TTC39A: variants seen among roughly 807,000 people sequenced by gnomAD.
The protein encoded by TTC39A is tetratricopeptide repeat domain 39A.
In TTC39A, 46 loss-of-function variants were observed where a neutral mutation model predicts 82.3. The ratio of observed to expected loss-of-function variants is 0.56; its 90% confidence interval spans 0.44 to 0.71. TTC39A has a LOEUF of 0.71. Ranked by LOEUF, TTC39A falls within the 30% of genes least tolerant of loss-of-function variation. The pLI, the probability that TTC39A is intolerant of heterozygous loss-of-function variation, is 0.00. For synonymous variants in TTC39A, 254 were observed against 275.2 expected (o/e 0.92, Z 0.76); for missense variants, 543 against 712.9 (o/e 0.76, Z 2.71).
intron 1 of TTC39A, chr1:51,344,951 C>G (rs931843054): frequency 6.6e-7 from 1 of 1,525,524 alleles, no homozygotes; most frequent in Admixed American, 2.0e-5. Context: ...CCCTTGGTCC[C>G]GTCCGCGCCT....
intron 1 of TTC39A, among the ~76,000 whole-genome samples, chr1:51,326,907 G>C (rs1430472117): frequency 6.6e-6 from 1 of 152,224 alleles, no homozygotes; most frequent in Non-Finnish European, 1.5e-5. Context: ...GCGGAGAAGA[G>C]GTGCTGGGCT....
chr1:51,343,699 G>C (rs1646063755), intron 1 of TTC39A, among the ~76,000 whole-genome samples: 1 of 152,228 alleles, frequency 6.6e-6, no homozygotes, highest in South Asian at 2.1e-4. Flanking sequence ...CAGCACACAA[G>C]TGCTCAACAA....
At chr1:51,303,706 C>T (rs1218617206) in intron 8 of TTC39A, among the ~76,000 whole-genome samples, 1 of 152,186 alleles carries the variant, frequency 6.6e-6, no homozygotes, top group Non-Finnish European at 1.5e-5. Flanking sequence ...CATTCTTGTT[C>T]TTTCTAAAAC....
Position 51,321,604 on chromosome 1 carries a change from C to G in TTC39A, c.146+117G>C. On this transcript the variant is annotated intron_variant, in intron 2 of 17. Coordinates refer to ENST00000680483, the MANE Select transcript of TTC39A (RefSeq NM_001297663.2). The surrounding 1 kb of genome is among the most constrained non-coding windows in gnomAD (Gnocchi z 4.6). ...CATTTTTATGGGACTTCTCAGAGGT[C>G]CTGGTGACCCAGAAAGCCAAAGGCA... 1 of 905,650 alleles carries G rather than the reference C, an allele frequency of 1.1e-6. No individual in the cohort carries two copies. The allele number at this position is 905,650 out of a possible 1,614,324, so 56.1% of individuals were successfully genotyped here. A position where few individuals can be genotyped will look rare whatever the true frequency, so the allele number is the denominator to read the frequency against.
intron 12 of TTC39A, chr1:51,300,328 T>TC (rs941786790): frequency 2.6e-5 from 4 of 152,284 alleles, no homozygotes; most frequent in Middle Eastern, 3.1e-3. Flanking sequence ...CCCAGAGAAT[T>TC]CCCCTTCAGC....
At chr1:51,301,813 C>T (rs183706971) in intron 11 of TTC39A, 80 bp from the exon 12 acceptor site, 8 of 1,545,346 alleles carry the variant, frequency 5.2e-6, no homozygotes, top group Non-Finnish European at 7.0e-6. Flanking sequence ...CCCAACACCA[C>T]AGCAGACCGG....
At chr1:51,315,544 G>A (rs911660285) in intron 2 of TTC39A, among the ~76,000 whole-genome samples, 1 of 152,116 alleles carries the variant, frequency 6.6e-6, no homozygotes. Context: ...CTTCCTCTTC[G>A]TGCTCACTGA....
At chr1:51,311,510 C>G (rs1337670064) in intron 4 of TTC39A, among the ~76,000 whole-genome samples, 189 bp from the exon 5 acceptor site, 2 of 152,204 alleles carry the variant, frequency 1.3e-5, no homozygotes, top group Non-Finnish European at 2.9e-5. Flanking sequence ...ATACCCTCCT[C>G]CAAGCACCAC....
upstream of TTC39A, among the ~76,000 whole-genome samples, chr1:51,335,860 C>T (rs577124801): frequency 6.6e-6 from 1 of 152,190 alleles, no homozygotes; most frequent in East Asian, 1.9e-4. Flanking sequence ...GTCAGTTCTG[C>T]CTCTACCTCT....
intron 12 of TTC39A, chr1:51,299,841 C>T: frequency 6.6e-6 from 1 of 152,470 alleles, no homozygotes; most frequent in Middle Eastern, 3.4e-3. Context: ...AGAATCCCAG[C>T]ACTTTAGGAG....
intron 1 of TTC39A, among the ~76,000 whole-genome samples, chr1:51,340,163 T>A (rs1418109943): frequency 2.0e-5 from 3 of 152,208 alleles, no homozygotes; most frequent in African/African-American, 7.2e-5. Flanking sequence ...GTTTATAAGC[T>A]ACCCAGTTTA....
Position 51,344,072 on chromosome 1 carries a change from G to A in TTC39A, c.53+919C>T, listed in dbSNP as rs376984826. Among the ~76,000 whole-genome samples the A allele has an allele frequency of 2.7e-4, 41 of 152,272 alleles. No individual in the cohort carries two copies. In the South Asian group the frequency reaches 4.6e-3, roughly 17 times the overall value. On this transcript the variant is annotated intron_variant, in intron 1 of 5. Transcript: ENST00000401051. ...GGTAAAATCAACAGGACTTGTAGACGGGGGTGGGAGAAAGGTAGGGAGGTG... is the reference window on the plus strand; with the variant it reads ...GGTAAAATCAACAGGACTTGTAGACAGGGGTGGGAGAAAGGTAGGGAGGTG...
chr1:51,289,995 A>T lies in TTC39A; in HGVS notation c.1493+10T>A, dbSNP rs758550919. 1 of 1,609,022 alleles carries T rather than the reference A, an allele frequency of 6.2e-7. No homozygotes were observed. The highest frequency in any genetic ancestry group is 8.5e-7 in the Non-Finnish European group (1 of 1,176,814). Reference sequence around the variant, plus strand: ...TCAGACCCAGAAGGAGCAGCTGCAGAGGCACTTACTTGGCAGAGATGCTCC... The same window carrying T: ...TCAGACCCAGAAGGAGCAGCTGCAGTGGCACTTACTTGGCAGAGATGCTCC... On this transcript the variant is annotated intron_variant, in intron 16 of 17. Coordinates refer to ENST00000680483, the MANE Select transcript of TTC39A (RefSeq NM_001297663.2).
chr1:51,335,537 G>A (rs1645963857), upstream of TTC39A, among the ~76,000 whole-genome samples: 2 of 149,634 alleles, frequency 1.3e-5, no homozygotes, highest in Admixed American at 1.3e-4. Context: ...CTCCAGACTG[G>A]GCGACAGAGA....
chr1:51,326,871 T>C (rs1001505437), intron 1 of TTC39A, among the ~76,000 whole-genome samples: 1 of 152,128 alleles, frequency 6.6e-6, no homozygotes, highest in Admixed American at 6.5e-5. Context: ...CTCTCCACTG[T>C]GTGTTGGGGA....
Position 51,312,099 on chromosome 1 carries a change from G to A in TTC39A, c.355+20C>T, listed in dbSNP as rs1313989970. The A allele has an allele frequency of 1.2e-6, 2 of 1,606,786 alleles. No homozygotes were observed. Among genetic ancestry groups the A allele is most frequent in the South Asian group, 2.2e-5 (2 of 89,302 alleles). ...CCACCTGGGCTTAGCATGGTTGAAAGGATGTCCTGGATGCCACACCTTCAG... is the reference window on the plus strand; with the variant it reads ...CCACCTGGGCTTAGCATGGTTGAAAAGATGTCCTGGATGCCACACCTTCAG... On this transcript the variant is annotated intron_variant, in intron 4 of 17. Coordinates refer to ENST00000680483, the MANE Select transcript of TTC39A (RefSeq NM_001297663.2).
chr1:51,330,934 C>T, upstream of TTC39A: 2 of 622,240 alleles, frequency 3.2e-6, no homozygotes, highest in Non-Finnish European at 2.9e-6. This position sits in a 1 kb window ranked among gnomAD's most constrained non-coding sequence, Gnocchi z 4.5. Context: ...TGGGGGCATT[C>T]GTGCAGACAA....
chr1:51,322,673 T>C (rs1212348690), intron 1 of TTC39A, among the ~76,000 whole-genome samples: 1 of 152,124 alleles, frequency 6.6e-6, no homozygotes, highest in African/African-American at 2.4e-5. Flanking sequence ...CTTTCCCATA[T>C]AAAAATGAGA....
At chr1:51,295,837 A>T in intron 13 of TTC39A, 1 of 586,306 alleles carries the variant, frequency 1.7e-6, no homozygotes, top group South Asian at 2.0e-5. Context: ...ATATTAGCAA[A>T]ACCATTTCTG....
Sources: allele counts gnomAD v4.1 joint callset (sites outside exome capture counted in the v4.1 genomes callset), GRCh38; gene constraint gnomAD v4.1.1; non-coding constraint Gnocchi (gnomAD v3.1); transcripts MANE v1.5; gene names NCBI Gene and HGNC (gene_info 2026-07-23, HGNC 2026-07-21).